The following SMYD3 variants were observed in gnomAD, a reference collection of about 807,000 sequenced individuals.
The protein encoded by SMYD3 is SET and MYND domain containing 3.
SMYD3 carries 36 observed loss-of-function variants against 57.7 expected under a neutral mutation model. The observed-to-expected ratio is 0.62, with a 90% CI of 0.48 to 0.82. The LOEUF is 0.82. Among genes scored for constraint, SMYD3 ranks in the 40% least tolerant of loss-of-function variants. The pLI is 0.00. For missense variants in SMYD3, 515 were observed against 538.8 expected (o/e 0.96, Z 0.44); for synonymous variants, 211 against 195.0 (o/e 1.08, Z -0.68).
chr1:246,454,263 T>C (rs766617532), intron 1 of SMYD3, among the ~76,000 whole-genome samples: 72 of 152,168 alleles, frequency 4.7e-4, no homozygotes, highest in Admixed American at 3.2e-3. Context: ...AGTCAGTCAG[T>C]CAAGCAACCA....
In SMYD3 at chr1:246,501,994, T is replaced by C. The variant is rs542814850; in HGVS notation, c.164+5060A>G. On this transcript the variant is annotated intron_variant, in intron 1 of 11. Coordinates refer to ENST00000490107, the MANE Select transcript of SMYD3 (RefSeq NM_001167740.2). ...CTGGCACCTCTTCTTCTTACCCTCATATATGAAGATGTTCCCTTCCATCTC... is the reference window on the plus strand; with the variant it reads ...CTGGCACCTCTTCTTCTTACCCTCACATATGAAGATGTTCCCTTCCATCTC... 1.7e-4 allele frequency among the ~76,000 whole-genome samples: 26 copies of C among 152,300 alleles called. No homozygotes were observed. In the South Asian group the frequency reaches 5.4e-3, roughly 32 times the overall value.
At chr1:245,996,678 C>A (rs909881453) in intron 5 of SMYD3, among the ~76,000 whole-genome samples, 4 of 152,198 alleles carry the variant, frequency 2.6e-5, no homozygotes, top group Non-Finnish European at 5.9e-5. Context: ...GTAACTCCAA[C>A]AAATAAAGCC....
At chr1:245,750,739 G>A (rs2362933) in intron 11 of SMYD3, among the ~76,000 whole-genome samples, 7,922 of 151,044 alleles carry the variant, frequency 0.052, 366 homozygotes, top group African/African-American at 0.11. Context: ...GGTGGGGTGG[G>A]GTGGACTGGG....
intron 10 of SMYD3, among the ~76,000 whole-genome samples, chr1:245,850,058 T>TG (rs1241949442): frequency 2.0e-5 from 3 of 152,232 alleles, no homozygotes; most frequent in East Asian, 1.9e-4. Context: ...ACTTGGGGTT[T>TG]GGGGGGAAAA....
chr1:245,972,066 G>C (rs989177112), intron 5 of SMYD3, among the ~76,000 whole-genome samples: 1 of 152,160 alleles, frequency 6.6e-6, no homozygotes, highest in African/African-American at 2.4e-5. Flanking sequence ...AGTGGGAAGG[G>C]GGCACTGATC....
intron 5 of SMYD3, among the ~76,000 whole-genome samples, chr1:246,318,488 A>T (rs1305044218): frequency 6.6e-6 from 1 of 152,236 alleles, no homozygotes; most frequent in African/African-American, 2.4e-5. Flanking sequence ...TCAAAAATTA[A>T]AGACCTCCTG....
chr1:246,268,526 T>C (rs2064155078), intron 5 of SMYD3, among the ~76,000 whole-genome samples: 1 of 151,298 alleles, frequency 6.6e-6, no homozygotes, highest in African/African-American at 2.4e-5. Flanking sequence ...GGTGACCCCG[T>C]CTCTACTAAA....
chr1:245,864,502 G>A (rs913955159), intron 8 of SMYD3, among the ~76,000 whole-genome samples: 11 of 152,156 alleles, frequency 7.2e-5, no homozygotes, highest in East Asian at 1.9e-4. Context: ...TACGCTAAGC[G>A]AGAAGCCAAT....
At chr1:246,458,589 G>T (rs1238946845) in intron 1 of SMYD3, among the ~76,000 whole-genome samples, 2 of 148,794 alleles carry the variant, frequency 1.3e-5, no homozygotes, top group African/African-American at 2.5e-5. Context: ...TGGGACTACA[G>T]GCGCCCACCA....
chr1:245,765,088 T>A (rs1215925370), intron 10 of SMYD3, among the ~76,000 whole-genome samples: 2 of 123,334 alleles, frequency 1.6e-5, no homozygotes, highest in African/African-American at 3.0e-5. Context: ...AAAACCACAG[T>A]TTAAATGAGC....
chr1:246,264,389 C>T (rs77888172), intron 5 of SMYD3, among the ~76,000 whole-genome samples: 1,971 of 152,252 alleles, frequency 0.013, 54 homozygotes, highest in African/African-American at 0.045. Flanking sequence ...ATGGCTCATA[C>T]CTATAATCCC....
intron 5 of SMYD3, among the ~76,000 whole-genome samples, chr1:246,270,189 T>A (rs2064195237): frequency 6.6e-6 from 1 of 152,214 alleles, no homozygotes; most frequent in South Asian, 2.1e-4. Flanking sequence ...TATAACATAT[T>A]ATATGAATTA....
At chr1:246,045,103 A>C (rs1459506214) in intron 5 of SMYD3, among the ~76,000 whole-genome samples, 1 of 152,188 alleles carries the variant, frequency 6.6e-6, no homozygotes, top group Non-Finnish European at 1.5e-5. Context: ...GCTACCAATG[A>C]CTTTCTTCAC....
At chr1:246,026,810 A>G (rs1370397019) in intron 5 of SMYD3, among the ~76,000 whole-genome samples, 2 of 152,200 alleles carry the variant, frequency 1.3e-5, no homozygotes, top group Non-Finnish European at 2.9e-5. Context: ...GTTCACGTGA[A>G]AGGAGGAGTT....
At chr1:246,237,865 G>GA (rs143629155) in intron 5 of SMYD3, among the ~76,000 whole-genome samples, 24,437 of 151,786 alleles carry the variant, frequency 0.16, 2,867 homozygotes, top group East Asian at 0.58. Flanking sequence ...TGCATTATTA[G>GA]AAAAAAATAT....
At chr1:246,166,451 G>A (rs1273958833) in intron 5 of SMYD3, among the ~76,000 whole-genome samples, 1 of 152,198 alleles carries the variant, frequency 6.6e-6, no homozygotes, top group East Asian at 1.9e-4. Flanking sequence ...TACTCACTGT[G>A]TGAAAAAGCA....
chr1:246,355,147 C>T lies in SMYD3; in HGVS notation c.165-53G>A, dbSNP rs377503204. The T allele has an allele frequency of 1.9e-6, 3 of 1,544,532 alleles. No homozygotes were observed. The highest frequency in any genetic ancestry group is 3.3e-5 in the Admixed American group (2 of 59,824). ...TAAGAAATGAGTGGGAAACATAGTA[C>T]ATAGTTGAAGAAAGAAAACATAAGT... On this transcript the variant is annotated intron_variant, in intron 1 of 11. Transcript: ENST00000490107. The surrounding 1 kb of genome is among the most constrained non-coding windows in gnomAD (Gnocchi z 5.0).
At chr1:246,204,525 G>A (rs2062968537) in intron 5 of SMYD3, among the ~76,000 whole-genome samples, 1 of 151,376 alleles carries the variant, frequency 6.6e-6, no homozygotes, top group Non-Finnish European at 1.5e-5. Context: ...CAATGAAATG[G>A]AGGAATGATA....
chr1:245,921,572 C>CATACATACATACAT (rs59746333), intron 7 of SMYD3, among the ~76,000 whole-genome samples: 29 of 139,972 alleles, frequency 2.1e-4, no homozygotes, highest in African/African-American at 7.9e-4. Flanking sequence ...TATATATATA[C>CATACATACATACAT]ACATACCATG....
Sources: gnomAD v4.1 joint callset for allele counts (sites outside exome capture counted in the v4.1 genomes callset) on GRCh38, gnomAD v4.1.1 for gene constraint, Gnocchi (gnomAD v3.1) non-coding constraint, MANE v1.5 for transcripts, NCBI Gene and HGNC (gene_info 2026-07-23, HGNC 2026-07-21) for gene names.